The following WRN variants were observed in gnomAD, a reference collection of about 807,000 sequenced individuals.
WRN encodes bifunctional 3'-5' exonuclease/ATP-dependent helicase WRN.
A neutral mutation model predicts 180.7 loss-of-function variants in WRN; 149 were observed. That is an observed-to-expected ratio of 0.82 (90% CI 0.72 to 0.94). WRN has a LOEUF of 0.94. Ranked by LOEUF, WRN falls within the 40% of genes least tolerant of loss-of-function variation. The pLI, the probability that WRN is intolerant of heterozygous loss-of-function variation, is 0.00. For missense variants in WRN, 1,661 were observed against 1,700.1 expected (o/e 0.98, Z 0.40); for synonymous variants, 548 against 568.9 (o/e 0.96, Z 0.52).
intron 1 of WRN, among the ~76,000 whole-genome samples, chr8:31,044,083 C>G (rs533719098): frequency 1.3e-5 from 2 of 152,120 alleles, no homozygotes; most frequent in South Asian, 4.2e-4. Flanking sequence ...ACTCTGTCGC[C>G]CAGGCTGGAG....
intron 7 of WRN, among the ~76,000 whole-genome samples, chr8:31,069,111 T>C (rs768761090): frequency 6.6e-6 from 1 of 152,264 alleles, no homozygotes; most frequent in Non-Finnish European, 1.5e-5. Context: ...TATAAAGTTA[T>C]CACTATTCTC....
chr8:31,064,895 A>G lies in WRN; in HGVS notation c.356-20A>G, dbSNP rs369976838. 1 of 1,612,966 alleles carries G rather than the reference A, an allele frequency of 6.2e-7. No homozygotes were observed. The highest frequency in any genetic ancestry group is 1.1e-5 in the South Asian group (1 of 90,896). On this transcript the variant is annotated intron_variant, in intron 4 of 34. Coordinates refer to ENST00000298139, the MANE Select transcript of WRN (RefSeq NM_000553.6). ...ATCATACTTGACAGAACTTATGGAAATAACAAGAAAATGTTACAGTTTTTC... is the reference window on the plus strand; with the variant it reads ...ATCATACTTGACAGAACTTATGGAAGTAACAAGAAAATGTTACAGTTTTTC...
At chr8:31,064,248 A>T in intron 3 of WRN, 41 bp from the exon 4 acceptor site, 1 of 1,611,564 alleles carries the variant, frequency 6.2e-7, no homozygotes, top group South Asian at 1.1e-5. Context: ...GAAGTTTAAA[A>T]TTTTAACATA....
At chr8:31,099,728 A>G (rs529073742) in intron 17 of WRN, among the ~76,000 whole-genome samples, 1 of 152,076 alleles carries the variant, frequency 6.6e-6, no homozygotes, top group Non-Finnish European at 1.5e-5. Context: ...TATTCCTAGA[A>G]AAGTGTTTGG....
chr8:31,051,494 A>G (rs1812076141), intron 1 of WRN, among the ~76,000 whole-genome samples: 1 of 152,214 alleles, frequency 6.6e-6, no homozygotes, highest in African/African-American at 2.4e-5. Context: ...ATTGACATGA[A>G]CTAGAAGTGA....
chr8:31,086,909 A>G (rs1414372114), intron 11 of WRN, among the ~76,000 whole-genome samples: 1 of 152,216 alleles, frequency 6.6e-6, no homozygotes, highest in African/African-American at 2.4e-5. Context: ...CGTATACATT[A>G]AATCTCTTAG....
intron 24 of WRN, 34 bp downstream of exon 24, chr8:31,132,540 C>T (rs1396195417): frequency 6.2e-7 from 1 of 1,613,130 alleles, no homozygotes; most frequent in Non-Finnish European, 8.5e-7. Context: ...CTTCATAGAT[C>T]TTCTTTTACT....
At position 31,073,939 on chromosome 8, in the gene WRN, CAG is replaced by C. The variant is rs1813004203; in HGVS notation, c.725-2231_725-2230del. Among the ~76,000 whole-genome samples, 3 of 150,518 alleles carry C rather than the reference CAG, an allele frequency of 2.0e-5. No homozygotes were observed. The South Asian group carries it at 6.3e-4, about 32-fold the overall frequency. ...TTTTCTTTCTTTTTTTTTTTTGAGA[CAG>C]AGTCTTGCTCAGTCACCCAGGCTGG... On this transcript the variant is annotated intron_variant, in intron 7 of 34. Coordinates refer to ENST00000298139, the MANE Select transcript of WRN (RefSeq NM_000553.6).
chr8:31,153,498 T>C (rs947688345), intron 31 of WRN, among the ~76,000 whole-genome samples: 15 of 152,180 alleles, frequency 9.9e-5, no homozygotes, highest in African/African-American at 3.6e-4. Flanking sequence ...ACTGTTTTAT[T>C]AGGCCCACCG....
intron 1 of WRN, among the ~76,000 whole-genome samples, chr8:31,047,311 T>G (rs1811905748): frequency 6.6e-6 from 1 of 152,004 alleles, no homozygotes; most frequent in Admixed American, 6.6e-5. Context: ...CCTGGCTCAT[T>G]TTTGTATTTT....
chr8:31,049,269 G>A (rs1811997200), intron 1 of WRN, among the ~76,000 whole-genome samples: 1 of 143,118 alleles, frequency 7.0e-6, no homozygotes, highest in African/African-American at 2.5e-5. Flanking sequence ...GGTAGCTCAC[G>A]CCTGTAATCT....
At position 31,120,357 on chromosome 8, in the gene WRN, G is replaced by T; in HGVS notation, c.2563G>T (p.Ala855Ser). 4 of 1,612,906 alleles carry T rather than the reference G, an allele frequency of 2.5e-6. No homozygotes were observed. The highest frequency in any genetic ancestry group is 3.4e-6 in the Non-Finnish European group (4 of 1,179,110). The change falls in exon 21 of 35, where the codon GCT (alanine) becomes TCT (serine). Residue 855 changes from alanine (A) to serine (S), a missense_variant. By Grantham distance (99) the Ala-to-Ser change is moderately conservative. Transcript: ENST00000298139. ...MESYYQEIGR[A>S]GRDGLQSSCH... ...ATCATATTATCAGGAGATTGGTAGA[G>T]CTGGTCGTGATGGACTTCAAAGTTC... is the stretch of plus-strand genomic sequence containing the variant.
chr8:31,064,939 T>C lies in WRN; in HGVS notation c.380T>C (p.Leu127Ser). Reference protein sequence around the residue: ...MSVFPQGLKMLLENKAVKKAG... With the variant: ...MSVFPQGLKMSLENKAVKKAG... ...GTTTTTCCCCAGGGATTAAAAATGT[T>C]GCTTGAAAATAAAGCAGTTAAAAAG... Residue 127 changes from leucine (L) to serine (S), a missense_variant, in exon 5 of 35, where the codon TTG becomes TCG. By Grantham distance (145) the Leu-to-Ser change is moderately radical. Around this residue, in one of 3 missense-constraint regions of WRN, gnomAD observed 500 missense variants for 504.1 expected, o/e 0.99. Coordinates refer to ENST00000298139, the MANE Select transcript of WRN (RefSeq NM_000553.6). 6.2e-7 allele frequency: 1 copy of C among 1,613,690 alleles called. No homozygotes were observed. The highest frequency in any genetic ancestry group is 8.5e-7 in the Non-Finnish European group (1 of 1,179,774).
rs761040399 is a variant in WRN at position 31,080,923 on chromosome 8, T to C, written c.896T>C (p.Ile299Thr). Residue 299 changes from isoleucine to threonine, a missense_variant, in exon 9 of 35, where the codon ATA (isoleucine) becomes ACA (threonine). Ile to Thr is a moderately conservative substitution (Grantham distance 89). Transcript: ENST00000298139. ...AATCTATATTCACTGAGGAGGATGATAATTGGGTCTACTAACATTGAGACT... is the reference window on the plus strand; with the variant it reads ...AATCTATATTCACTGAGGAGGATGACAATTGGGTCTACTAACATTGAGACT... ...SENLYSLRRM[I>T]IGSTNIETEL... is the part of the protein sequence containing the mutation. The C allele has an allele frequency of 1.2e-6, 2 of 1,613,216 alleles. No individual in the cohort carries two copies. The highest frequency in any genetic ancestry group is 1.7e-6 in the Non-Finnish European group (2 of 1,179,752).
At chr8:31,147,586 G>T in intron 30 of WRN, 110 bp downstream of exon 30, 1 of 1,026,548 alleles carries the variant, frequency 9.7e-7, no homozygotes, top group Admixed American at 2.0e-5. Flanking sequence ...CATCTGGGAG[G>T]TGACTCAGAT....
chr8:31,050,952 G>A (rs973264382), intron 1 of WRN, among the ~76,000 whole-genome samples: 1 of 152,016 alleles, frequency 6.6e-6, no homozygotes, highest in Non-Finnish European at 1.5e-5. Flanking sequence ...ATTTTAAATA[G>A]TAAGTGGAAA....
intron 20 of WRN, 46 bp downstream of exon 20, chr8:31,116,574 T>G: frequency 1.2e-6 from 2 of 1,607,316 alleles, no homozygotes; most frequent in Non-Finnish European, 1.7e-6. Context: ...ATAGTGGAAG[T>G]GGATATTTCT....
At chr8:31,104,756 C>G (rs1315518333) in intron 18 of WRN, among the ~76,000 whole-genome samples, 1 of 152,188 alleles carries the variant, frequency 6.6e-6, no homozygotes, top group East Asian at 1.9e-4. Flanking sequence ...AATAGGCTGT[C>G]CTTCCCCTGT....
chr8:31,092,083 T>TG (rs1813769790), intron 16 of WRN, among the ~76,000 whole-genome samples, 185 bp downstream of exon 16: 2 of 151,776 alleles, frequency 1.3e-5, no homozygotes, highest in East Asian at 3.8e-4. Context: ...ACTAAATGCA[T>TG]GAAAAAAAAA....
Sources: allele counts gnomAD v4.1 joint callset (sites outside exome capture counted in the v4.1 genomes callset), GRCh38; gene constraint gnomAD v4.1.1; regional missense constraint gnomAD v4.1.1; transcripts MANE v1.5; gene names NCBI Gene and HGNC (gene_info 2026-07-23, HGNC 2026-07-21).